Variants in CRTC1 observed in about 807,000 individuals in gnomAD.
CRTC1 encodes CREB regulated transcription coactivator 1.
A neutral mutation model predicts 66.1 loss-of-function variants in CRTC1; 18 were observed. The ratio of observed to expected loss-of-function variants is 0.27; its 90% CI spans 0.19 to 0.40. CRTC1 has a LOEUF of 0.40. CRTC1 is among the 10% of genes least tolerant of loss of function. The probability of loss-of-function intolerance (pLI) is 1.00; values close to 1 mark genes in which losing one functional copy is unlikely to be tolerated. For synonymous variants in CRTC1, 416 were observed against 398.8 expected, an observed-to-expected ratio of 1.04 and a Z score of -0.51; for missense variants, 669 against 887.9, an observed-to-expected ratio of 0.75 and a Z score of 3.13.
chr19:18,775,339 A>C (rs994009304), intron 12 of CRTC1, among the ~76,000 whole-genome samples: 4 of 152,126 alleles, frequency 2.6e-5, no homozygotes, highest in Non-Finnish European at 4.4e-5. Flanking sequence ...GTTTGCCGGG[A>C]GGTCGTGCTG....
chr19:18,719,736 G>A (rs555987786), intron 1 of CRTC1, among the ~76,000 whole-genome samples: 19 of 152,338 alleles, frequency 1.2e-4, no homozygotes, highest in Non-Finnish European at 1.8e-4. Flanking sequence ...ATCGCCCCGC[G>A]GTGCTCAGAA....
At position 18,765,491 on chromosome 19, in the gene CRTC1, C is replaced by T; in HGVS notation, c.974C>T (p.Ala325Val). 1.2e-6 allele frequency: 2 copies of T among 1,610,188 alleles called. No individual in the cohort carries two copies. Among genetic ancestry groups the T allele is most frequent in the South Asian group, 1.1e-5 (1 of 90,968 alleles). The change falls in exon 9 of 14, where the codon GCA (alanine) becomes GTA (valine). Residue 325 changes from alanine to valine, a missense_variant. Physicochemically the swap from Ala to Val is moderately conservative, Grantham distance 64. Around this residue, in one of 8 missense-constraint regions of CRTC1, gnomAD observed 241 missense variants for 242.2 expected, o/e 0.99. Transcript: ENST00000321949. ...AGCACAGAGGCAAGGCGTCAGCAGG[C>T]ATCGCCCACCCTGTCCCCGCTGTCA... ...SLSTEARRQQ[A>V]SPTLSPLSPI...
intron 1 of CRTC1, among the ~76,000 whole-genome samples, chr19:18,698,516 GCTCAGCAGGCA>G (rs1274560243): frequency 6.8e-6 from 1 of 147,860 alleles, no homozygotes; most frequent in Non-Finnish European, 1.5e-5. Flanking sequence ...CTCAGCAGGC[GCTCAGCAGGCA>G]CAGTGTGTAC....
At chr19:18,687,250 C>G (rs1168759835) in intron 1 of CRTC1, among the ~76,000 whole-genome samples, 2 of 152,102 alleles carry the variant, frequency 1.3e-5, no homozygotes, top group African/African-American at 4.8e-5. Context: ...TCTCGAACTC[C>G]TGACCTCAGG....
In CRTC1 at chr19:18,768,886, G is replaced by A. The variant is rs2054799833; in HGVS notation, c.1320+93G>A. 1 of 1,452,316 alleles carries A rather than the reference G, an allele frequency of 6.9e-7. No homozygotes were observed. Among genetic ancestry groups the A allele is most frequent in the African/African-American group, 1.5e-5 (1 of 68,608 alleles). The allele number at this position is 1,452,316 out of a possible 1,614,324, so 90.0% of individuals were successfully genotyped here. A position where few individuals can be genotyped will look rare whatever the true frequency, so the allele number is the denominator to read the frequency against. On this transcript the variant is annotated intron_variant, in intron 10 of 13. Transcript: ENST00000321949. This position sits in a 1 kb window ranked among gnomAD's most constrained non-coding sequence, Gnocchi z 5.6. ...GAACAGTCGGGTTACCTGCTGCATG[G>A]GCCAGGGGTCAGAACCCCAGCGAAC... is the stretch of plus-strand genomic sequence containing the variant.
chr19:18,751,395 G>T (rs986021243), intron 5 of CRTC1, among the ~76,000 whole-genome samples: 2 of 152,096 alleles, frequency 1.3e-5, no homozygotes, highest in African/African-American at 4.8e-5. Context: ...GTGTTTGCAC[G>T]TGCCTGTGGT....
At chr19:18,687,542 A>G (rs1035658901) in intron 1 of CRTC1, among the ~76,000 whole-genome samples, 1 of 152,162 alleles carries the variant, frequency 6.6e-6, no homozygotes, top group African/African-American at 2.4e-5. Flanking sequence ...GAATGAACCT[A>G]TATGATGTGG....
intron 11 of CRTC1, among the ~76,000 whole-genome samples, chr19:18,773,254 A>C (rs1346841979): frequency 7.2e-5 from 11 of 151,832 alleles, no homozygotes; most frequent in African/African-American, 2.7e-4. Context: ...CCGAGGACTC[A>C]CCCATCGGTC....
chr19:18,739,535 C>G (rs76807782), intron 1 of CRTC1, among the ~76,000 whole-genome samples: 32,185 of 152,218 alleles, frequency 0.21, 3,524 homozygotes, highest in East Asian at 0.29. Context: ...TCTTTGTTCA[C>G]TTGTGGATTC....
intron 1 of CRTC1, among the ~76,000 whole-genome samples, chr19:18,705,626 T>G (rs1177244561): frequency 6.6e-6 from 1 of 152,172 alleles, no homozygotes; most frequent in East Asian, 1.9e-4. Context: ...GCCAGCATGT[T>G]TAATTTTTTG....
chr19:18,759,511 G>T (rs529251342), intron 6 of CRTC1, 40 bp from the exon 7 acceptor site: 2 of 1,605,044 alleles, frequency 1.2e-6, no homozygotes, highest in Non-Finnish European at 8.5e-7. Flanking sequence ...GCCCCACAGG[G>T]TGTGCCCCAG....
rs1242587081 is a variant in CRTC1, at chr19:18,771,599, A to G, written c.1425+53A>G. On this transcript the variant is annotated intron_variant, in intron 11 of 13. Coordinates refer to ENST00000321949, the MANE Select transcript of CRTC1 (RefSeq NM_015321.3). The surrounding 1 kb of genome is among the most constrained non-coding windows in gnomAD (Gnocchi z 4.6). The stretch of plus-strand genomic sequence containing the variant: ...TGTGGGCTCCACGCTTGTCTTGTTC[A>G]TGCCCCGTGTGTTCCCTGCCCACTG... 6 of 1,384,252 alleles carry G rather than the reference A, an allele frequency of 4.3e-6. No homozygotes were observed. Among genetic ancestry groups the G allele is most frequent in the Non-Finnish European group, 6.1e-6 (6 of 985,890 alleles). The allele number at this position is 1,384,252 out of a possible 1,614,324, so 85.7% of individuals were successfully genotyped here. A position where few individuals can be genotyped will look rare whatever the true frequency, so the allele number is the denominator to read the frequency against.
intron 8 of CRTC1, among the ~76,000 whole-genome samples, chr19:18,762,686 C>T (rs977334523): frequency 8.5e-5 from 13 of 152,230 alleles, no homozygotes; most frequent in African/African-American, 2.9e-4. Flanking sequence ...TCTCCCTGCC[C>T]GCTCCAGACT....
At chr19:18,751,080 C>T (rs1377856407) in intron 5 of CRTC1, among the ~76,000 whole-genome samples, 1 of 152,154 alleles carries the variant, frequency 6.6e-6, no homozygotes, top group African/African-American at 2.4e-5. Context: ...CTCCTCGGAG[C>T]GCCTGAGGTG....
At chr19:18,716,437 A>G (rs1234665281) in intron 1 of CRTC1, among the ~76,000 whole-genome samples, 4 of 152,178 alleles carry the variant, frequency 2.6e-5, no homozygotes, top group Admixed American at 1.3e-4. Flanking sequence ...TTTTTAGTAG[A>G]GATGGGGTTT....
At chr19:18,756,240 G>A (rs978064656) in intron 6 of CRTC1, among the ~76,000 whole-genome samples, 1 of 149,998 alleles carries the variant, frequency 6.7e-6, no homozygotes, top group Non-Finnish European at 1.5e-5. Context: ...GGTTGGGACA[G>A]GAGAATTGCT....
intron 2 of CRTC1, chr19:18,744,059 GC>G: frequency 1.2e-6 from 2 of 1,605,376 alleles, no homozygotes; most frequent in Non-Finnish European, 1.7e-6. Flanking sequence ...CGCCTTTGGG[GC>G]CAGGCAAGGC....
Position 18,765,531 on chromosome 19 carries a change from G to A in CRTC1, c.1011+3G>A. On this transcript the variant is annotated splice_donor_region_variant and intron_variant, in intron 9 of 13. Transcript: ENST00000321949. Reference sequence around the variant, plus strand: ...CCCCGCTGTCACCCATCACTCAGGTGCGAGGGCAAGGTGGGGGGCAGGTGG... The same window carrying A: ...CCCCGCTGTCACCCATCACTCAGGTACGAGGGCAAGGTGGGGGGCAGGTGG... 6.2e-7 allele frequency: 1 copy of A among 1,600,796 alleles called. No homozygotes were observed. The highest frequency in any genetic ancestry group is 8.5e-7 in the Non-Finnish European group (1 of 1,176,598).
chr19:18,710,619 A>G (rs1568489818), intron 1 of CRTC1, among the ~76,000 whole-genome samples: 1 of 151,684 alleles, frequency 6.6e-6, no homozygotes, highest in Non-Finnish European at 1.5e-5. Context: ...TTTATTATTT[A>G]TTTATTTTTT....
Sources: allele counts gnomAD v4.1 joint callset (sites outside exome capture counted in the v4.1 genomes callset), GRCh38; gene constraint gnomAD v4.1.1; regional missense constraint gnomAD v4.1.1; non-coding constraint Gnocchi (gnomAD v3.1); transcripts MANE v1.5; gene names NCBI Gene and HGNC (gene_info 2026-07-23, HGNC 2026-07-21).